Variants in SCMH1 observed in about 807,000 individuals in gnomAD.
The protein encoded by SCMH1 is polycomb protein SCMH1.
Under a neutral mutation model 70.8 loss-of-function variants are expected in SCMH1, and 37 were observed. That is an observed-to-expected ratio of 0.52 (90% CI 0.40 to 0.69). SCMH1 has a LOEUF of 0.69. SCMH1 is among the 30% of genes least tolerant of loss of function. SCMH1 has a pLI of 0.00. For synonymous variants in SCMH1, 292 were observed against 307.4 expected (o/e 0.95, Z 0.52); for missense variants, 607 against 827.3 (o/e 0.73, Z 3.27).
At chr1:41,094,465 T>A (rs1664525152) in intron 8 of SCMH1, among the ~76,000 whole-genome samples, 1 of 152,208 alleles carries the variant, frequency 6.6e-6, no homozygotes. Flanking sequence ...ATCCCAAGGA[T>A]CCAAGGAGTA....
chr1:41,127,960 A>C (rs111473827), intron 6 of SCMH1, among the ~76,000 whole-genome samples: 12 of 152,272 alleles, frequency 7.9e-5, no homozygotes, highest in Admixed American at 2.0e-4. Flanking sequence ...CTGTTGTTTA[A>C]ACCAGACAGT....
chr1:41,125,628 AAT>A (rs1288216870), intron 6 of SCMH1, among the ~76,000 whole-genome samples: 1 of 151,726 alleles, frequency 6.6e-6, no homozygotes, highest in African/African-American at 2.4e-5. Flanking sequence ...GCTGGAGTGC[AAT>A]AGCATGATCA....
intron 10 of SCMH1, among the ~76,000 whole-genome samples, chr1:41,051,715 G>C (rs1485418500): frequency 6.6e-6 from 1 of 152,054 alleles, no homozygotes; most frequent in African/African-American, 2.4e-5. Flanking sequence ...AAATATTTTT[G>C]TACAGCTATA....
At chr1:41,208,888 C>A (rs1656288101) in intron 1 of SCMH1, among the ~76,000 whole-genome samples, 1 of 152,054 alleles carries the variant, frequency 6.6e-6, no homozygotes, top group Non-Finnish European at 1.5e-5. Context: ...CAGAGCAGAA[C>A]TGAAGGAGAG....
chr1:41,218,700 T>C (rs1658608106), intron 1 of SCMH1, among the ~76,000 whole-genome samples: 1 of 152,238 alleles, frequency 6.6e-6, no homozygotes, highest in Non-Finnish European at 1.5e-5. Flanking sequence ...ACTTAGTACA[T>C]ACCAGGCATG....
At chr1:41,075,576 T>A (rs1463416228) in intron 8 of SCMH1, 125 bp from the exon 9 acceptor site, 19 of 711,290 alleles carry the variant, frequency 2.7e-5, no homozygotes, top group Non-Finnish European at 4.0e-5. Flanking sequence ...TTTCCTGGCA[T>A]TTGACCTAAA....
chr1:41,059,512 C>T (rs919078219), intron 10 of SCMH1, among the ~76,000 whole-genome samples: 3 of 152,140 alleles, frequency 2.0e-5, no homozygotes, highest in Non-Finnish European at 2.9e-5. Flanking sequence ...ATCCCCTTTC[C>T]AGCTCCCCAT....
chr1:41,134,393 T>C (rs1642921166), intron 6 of SCMH1, among the ~76,000 whole-genome samples: 1 of 152,188 alleles, frequency 6.6e-6, no homozygotes, highest in Non-Finnish European at 1.5e-5. Context: ...ATGCCCTCTC[T>C]CACCACTCCT....
At chr1:41,058,378 G>GGTTTTTT (rs1651265519) in intron 10 of SCMH1, among the ~76,000 whole-genome samples, 1 of 81,640 alleles carries the variant, frequency 1.2e-5, no homozygotes, top group Non-Finnish European at 2.1e-5. Flanking sequence ...TTTCTTTCTT[G>GGTTTTTT]TTTTTTTTTT....
At chr1:41,036,623 A>G (rs1478768615) in intron 13 of SCMH1, among the ~76,000 whole-genome samples, 1 of 152,122 alleles carries the variant, frequency 6.6e-6, no homozygotes, top group Admixed American at 6.5e-5. Flanking sequence ...ATCTATTCAA[A>G]ACAAAAACCT....
chr1:41,079,444 C>A (rs1281620843), intron 8 of SCMH1, among the ~76,000 whole-genome samples: 3 of 152,004 alleles, frequency 2.0e-5, no homozygotes, highest in African/African-American at 7.2e-5. Flanking sequence ...GAAAAGCAAA[C>A]AGATGAAAAT....
At position 41,200,496 on chromosome 1, in the gene SCMH1, TG is replaced by T. The variant is rs1654077138; in HGVS notation, c.-117-14247del. On this transcript the variant is annotated intron_variant, in intron 1 of 14. Coordinates refer to ENST00000337495, the Ensembl canonical transcript of SCMH1. ...CGTCTCAAAAAAATATATAAATAAA[TG>T]TAATAATAATAATAATAATATAATA... Among the ~76,000 whole-genome samples, 3 of 139,646 alleles carry T rather than the reference TG, an allele frequency of 2.1e-5. No homozygotes were observed. In the Admixed American group the frequency reaches 2.2e-4, roughly 10 times the overall value. 91.6% of individuals were successfully genotyped at this position (139,646 alleles called of 152,430 possible). A position where few individuals can be genotyped will look rare whatever the true frequency, so the allele number is the denominator to read the frequency against.
At chr1:41,139,332 C>G (rs11209588) in intron 6 of SCMH1, among the ~76,000 whole-genome samples, 4,722 of 152,200 alleles carry the variant, frequency 0.031, 107 homozygotes, top group East Asian at 0.096. Context: ...TACATAAATT[C>G]TTCGTTATGT....
chr1:41,144,841 C>G (rs909835091), intron 5 of SCMH1, among the ~76,000 whole-genome samples: 1 of 152,136 alleles, frequency 6.6e-6, no homozygotes, highest in Admixed American at 6.5e-5. Flanking sequence ...TAGCATTTCT[C>G]TAATGACTAC....
intron 8 of SCMH1, among the ~76,000 whole-genome samples, chr1:41,091,303 G>A (rs1158365120): frequency 6.6e-6 from 1 of 152,160 alleles, no homozygotes; most frequent in Non-Finnish European, 1.5e-5. Flanking sequence ...TATCTCAATA[G>A]ATGCAGAAAA....
intron 6 of SCMH1, among the ~76,000 whole-genome samples, chr1:41,129,368 C>T (rs1000005548): frequency 1.3e-5 from 2 of 152,174 alleles, no homozygotes; most frequent in African/African-American, 4.8e-5. Flanking sequence ...CTCCTCCTCC[C>T]TCAGCTCCTG....
At chr1:41,087,202 C>G (rs75382370) in intron 8 of SCMH1, among the ~76,000 whole-genome samples, 11,879 of 152,028 alleles carry the variant, frequency 0.078, 601 homozygotes, top group South Asian at 0.13. Context: ...ATCTATTTCT[C>G]ACACCAAATA....
At chr1:41,125,137 T>TA (rs1672867189) in intron 6 of SCMH1, among the ~76,000 whole-genome samples, 1 of 150,370 alleles carries the variant, frequency 6.7e-6, no homozygotes, top group Non-Finnish European at 1.5e-5. Context: ...TTTTTTTACC[T>TA]AATAGTTTAA....
chr1:41,194,699 C>T (rs899619591), intron 1 of SCMH1, among the ~76,000 whole-genome samples: 1 of 152,130 alleles, frequency 6.6e-6, no homozygotes, highest in African/African-American at 2.4e-5. Flanking sequence ...ATATAACCGC[C>T]TAAAATATTT....
Sources: gnomAD v4.1 joint callset for allele counts (sites outside exome capture counted in the v4.1 genomes callset) on GRCh38, gnomAD v4.1.1 for gene constraint, MANE v1.5 for transcripts, NCBI Gene and HGNC (gene_info 2026-07-23, HGNC 2026-07-21) for gene names.